Variants in SANBR observed in about 807,000 individuals in gnomAD.
The protein encoded by SANBR is SANT and BTB domain regulator of class switch recombination.
In SANBR, 77 loss-of-function variants were observed where a neutral mutation model predicts 101.8. The ratio of observed to expected loss-of-function variants is 0.76; its 90% CI spans 0.63 to 0.91. SANBR has a LOEUF of 0.91. Among genes scored for constraint, SANBR ranks in the 40% least tolerant of loss-of-function variants. The pLI, the probability that SANBR is intolerant of heterozygous loss-of-function variation, is 0.00. For synonymous variants in SANBR, 279 were observed against 274.7 expected, an observed-to-expected ratio of 1.02 and a Z score of -0.15; for missense variants, 875 against 853.0, an observed-to-expected ratio of 1.03 and a Z score of -0.32.
At chr2:61,073,713 T>C (rs571645694) in intron 5 of SANBR, among the ~76,000 whole-genome samples, 162 bp downstream of exon 5, 2 of 152,084 alleles carry the variant, frequency 1.3e-5, no homozygotes, top group South Asian at 2.1e-4. Flanking sequence ...ACATGACTTA[T>C]TCATGTTATT....
chr2:61,110,032 A>C (rs1254906210), intron 16 of SANBR, among the ~76,000 whole-genome samples: 1 of 152,170 alleles, frequency 6.6e-6, no homozygotes, highest in Non-Finnish European at 1.5e-5. Context: ...AACAGCAAGG[A>C]AAATTGGTTC....
downstream of SANBR, among the ~76,000 whole-genome samples, chr2:61,125,119 G>T (rs1476814805): frequency 6.6e-6 from 1 of 152,176 alleles, no homozygotes; most frequent in Admixed American, 6.6e-5. Flanking sequence ...TATTGGGGAA[G>T]ATGGTACAAG....
In SANBR at chr2:61,070,334, A is replaced by T; in HGVS notation, c.-9-8A>T. 1 of 1,557,920 alleles carries T rather than the reference A, an allele frequency of 6.4e-7. No individual in the cohort carries two copies. Among genetic ancestry groups the T allele is most frequent in the South Asian group, 1.2e-5 (1 of 80,964 alleles). On this transcript the variant is annotated splice_polypyrimidine_tract_variant and splice_region_variant and intron_variant, in intron 2 of 21. Transcript: ENST00000402291. ...TTAAATAAAGCTTTTTGTCTTCCCT[A>T]TCCCTAGTTCCAAAAGATGAGTCGT...
At chr2:61,076,749 AGATAT>A (rs1232258027) in intron 5 of SANBR, among the ~76,000 whole-genome samples, 166 bp from the exon 6 acceptor site, 1 of 152,224 alleles carries the variant, frequency 6.6e-6, no homozygotes, top group African/African-American at 2.4e-5. Context: ...TCATAATCTA[AGATAT>A]GATCAGGCTA....
In SANBR at chr2:61,072,821, C is replaced by CTTTTTTTTTTTTTTTTTTTTTTTTTTTT. The variant is rs70959893; in HGVS notation, c.338-635_338-608dup. Among the ~76,000 whole-genome samples the CTTTTTTTTTTTTTTTTTTTTTTTTTTTT allele has an allele frequency of 3.8e-4, 12 of 31,662 alleles. 2 individuals carry two copies. Among genetic ancestry groups the CTTTTTTTTTTTTTTTTTTTTTTTTTTTT allele is most frequent in the Admixed American group, 4.9e-4 (1 of 2,048 alleles). 20.8% of individuals were successfully genotyped at this position (31,662 alleles called of 152,430 possible). A position where few individuals can be genotyped will look rare whatever the true frequency, so the allele number is the denominator to read the frequency against. The stretch of plus-strand genomic sequence containing the variant: ...AGACTCTTGCTTGTCTCTCATGTTA[C>CTTTTTTTTTTTTTTTTTTTTTTTTTTTT]TTTTTTTTTTTTTTTTTTTTTTTTT... On this transcript the variant is annotated intron_variant, in intron 4 of 21. Coordinates refer to ENST00000402291, the MANE Select transcript of SANBR (RefSeq NM_001129993.3).
At chr2:61,098,314 G>T (rs1334462518) in intron 12 of SANBR, among the ~76,000 whole-genome samples, 2 of 152,024 alleles carry the variant, frequency 1.3e-5, no homozygotes, top group African/African-American at 4.8e-5. Context: ...ATGTTGCCCA[G>T]GCTGGTCTCG....
In SANBR at chr2:61,116,028, A is replaced by G. The variant is rs756868490; in HGVS notation, c.1794A>G (p.Val598=). ...KKFTRQPKKQ[V]SSPCAQRKEK... is the part of the protein sequence containing the mutation. Reference sequence around the variant, plus strand: ...TCACTAGACAACCAAAAAAGCAGGTATCTTCACCCTGTGCCCAGAGGAAAG... The same window carrying G: ...TCACTAGACAACCAAAAAAGCAGGTGTCTTCACCCTGTGCCCAGAGGAAAG... The change falls in exon 17 of 22, where the codon GTA becomes GTG. Residue 598 remains valine, a synonymous_variant. Transcript: ENST00000402291. The G allele has an allele frequency of 1.2e-5, 19 of 1,612,468 alleles. No homozygotes were observed. The highest frequency in any genetic ancestry group is 4.4e-5 in the South Asian group (4 of 90,758).
chr2:61,126,443 G>C (rs188391287), downstream of SANBR, among the ~76,000 whole-genome samples: 1 of 151,990 alleles, frequency 6.6e-6, no homozygotes, highest in Non-Finnish European at 1.5e-5. Flanking sequence ...GTGATTTTTC[G>C]ATGTGGCTCA....
At chr2:61,099,014 A>G (rs1238438720) in intron 12 of SANBR, among the ~76,000 whole-genome samples, 1 of 152,250 alleles carries the variant, frequency 6.6e-6, no homozygotes, top group African/African-American at 2.4e-5. Context: ...GATCTGAAGG[A>G]TTCGTAGGAG....
intron 20 of SANBR, among the ~76,000 whole-genome samples, chr2:61,129,654 G>A (rs1248720157): frequency 6.6e-6 from 1 of 152,060 alleles, no homozygotes. Flanking sequence ...AGGTGGATGG[G>A]AGCAAAGCTA....
Position 61,123,183 on chromosome 2 carries a change from A to G in SANBR, c.*1021A>G, listed in dbSNP as rs1487840147. 2.0e-6 allele frequency: 2 copies of G among 980,704 alleles called. No homozygotes were observed. Among genetic ancestry groups the G allele is most frequent in the Non-Finnish European group, 2.4e-6 (2 of 825,648 alleles). The allele number at this position is 980,704 out of a possible 1,614,324, so 60.8% of individuals were successfully genotyped here. On this transcript the variant is annotated 3_prime_UTR_variant, in exon 22 of 22. Coordinates refer to ENST00000402291, the MANE Select transcript of SANBR (RefSeq NM_001129993.3). ...GTTCCAAACTATAACCATATAATAAATTATGTGTTTGTAAATTATATGTAG... is the reference window on the plus strand; with the variant it reads ...GTTCCAAACTATAACCATATAATAAGTTATGTGTTTGTAAATTATATGTAG...
At chr2:61,107,116 C>T (rs1408767831) in intron 14 of SANBR, among the ~76,000 whole-genome samples, 3 of 149,706 alleles carry the variant, frequency 2.0e-5, no homozygotes, top group South Asian at 2.1e-4. Flanking sequence ...TGCAGTGAGC[C>T]GAGATCACAC....
At chr2:61,076,899 T>C in intron 5 of SANBR, 21 bp from the exon 6 acceptor site, 2 of 1,529,384 alleles carry the variant, frequency 1.3e-6, no homozygotes, top group Non-Finnish European at 1.8e-6. Context: ...AATTTCATTT[T>C]TGTGTAACAT....
chr2:61,076,882 C>A, intron 5 of SANBR, 38 bp from the exon 6 acceptor site: 2 of 1,452,412 alleles, frequency 1.4e-6, no homozygotes, highest in Non-Finnish European at 1.9e-6. Context: ...TTTTCTAAAA[C>A]TCTAATAATT....
chr2:61,069,133 A>G (rs574140483), intron 2 of SANBR, 148 bp downstream of exon 2: 26 of 152,486 alleles, frequency 1.7e-4, no homozygotes, highest in South Asian at 2.1e-4. Flanking sequence ...TATGTAAACA[A>G]TGACATAGTA....
Position 61,134,277 on chromosome 2 carries a change from G to GT in SANBR, c.*44+2dup, listed in dbSNP as rs776687573. 42 of 1,551,200 alleles carry GT rather than the reference G, an allele frequency of 2.7e-5. No homozygotes were observed. Among genetic ancestry groups the GT allele is most frequent in the East Asian group, 1.7e-4 (7 of 41,520 alleles). On this transcript the variant is annotated splice_donor_variant, in intron 21 of 21. Coordinates refer to the SANBR transcript ENST00000295031. LOFTEE classifies it low-confidence loss of function (3UTR_SPLICE). ...GACTTGGAATACTGCTTGACATATC[G>GT]TAAGTGCTCAAAAATGTTAGCTATT...
At chr2:61,118,867 T>C (rs1684206257) in intron 20 of SANBR, among the ~76,000 whole-genome samples, 2 of 152,270 alleles carry the variant, frequency 1.3e-5, no homozygotes, top group Admixed American at 6.5e-5. Flanking sequence ...GCCACATTTA[T>C]GTATTTTTTT....
At chr2:61,068,336 T>C (rs553197088) in intron 1 of SANBR, among the ~76,000 whole-genome samples, 2 of 152,344 alleles carry the variant, frequency 1.3e-5, no homozygotes, top group Admixed American at 6.5e-5. Context: ...CTGTAAAATA[T>C]GTTTCCAACT....
chr2:61,088,862 A>G (rs1355927913), intron 10 of SANBR: 2 of 968,966 alleles, frequency 2.1e-6, no homozygotes, highest in Non-Finnish European at 2.5e-6. Flanking sequence ...TTATAAAAAT[A>G]TAACTACTTT....
Sources: allele counts gnomAD v4.1 joint callset (sites outside exome capture counted in the v4.1 genomes callset), GRCh38; gene constraint gnomAD v4.1.1; transcripts MANE v1.5; gene names NCBI Gene and HGNC (gene_info 2026-07-23, HGNC 2026-07-21).